The following HEPH variants were observed in gnomAD, a reference collection of about 807,000 sequenced individuals.
HEPH encodes hephaestin.
Under a neutral mutation model 80.8 loss-of-function variants are expected in HEPH, and 69 were observed. The ratio of observed to expected loss-of-function variants is 0.85; its 90% CI spans 0.70 to 1.04. The LOEUF (loss-of-function observed/expected upper bound fraction) is 1.04. Ranked by LOEUF, HEPH falls within the 50% of genes least tolerant of loss-of-function variation. The pLI, the probability that HEPH is intolerant of heterozygous loss-of-function variation, is 0.00. For synonymous variants in HEPH, 431 were observed against 322.8 expected (o/e 1.34, Z -3.60); for missense variants, 1,115 against 891.3 (o/e 1.25, Z -3.20).
At chrX:66,235,818 T>C (rs1363619939) in intron 15 of HEPH, among the ~76,000 whole-genome samples, 1 of 112,098 alleles carries the variant, frequency 8.9e-6, no homozygotes, top group Non-Finnish European at 1.9e-5. Flanking sequence ...ATTGATTCTG[T>C]CTATTCATGA....
Position 66,192,259 on chromosome X carries a change from A to G in HEPH, c.1193A>G (p.His398Arg). 8.3e-7 allele frequency: 1 copy of G among 1,211,268 alleles called. No individual in the cohort carries two copies. Residue 398 changes from histidine to arginine, a missense_variant, in exon 7 of 21, where the codon CAT (histidine) becomes CGT (arginine). By Grantham distance (29) the His-to-Arg change is conservative. Around this residue, in one of 3 missense-constraint regions of HEPH, gnomAD observed 391 missense variants for 343.6 expected, o/e 1.14. Coordinates refer to ENST00000343002, the MANE Select transcript of HEPH (RefSeq NM_001367233.3). ...EIQWDYGPMG[H>R]DGSTGKNLRE... ...CAATGGGACTATGGCCCGATGGGGC[A>G]TGATGGGAGTACTGGGAAGAATTTG...
At chrX:66,242,086 A>C (rs2090614613) in intron 15 of HEPH, among the ~76,000 whole-genome samples, 1 of 110,085 alleles carries the variant, frequency 9.1e-6, no homozygotes, top group Admixed American at 9.7e-5. Flanking sequence ...AAAAAAAAAA[A>C]CTGAAGGCAT....
At chrX:66,238,392 A>T (rs1602476161) in intron 15 of HEPH, among the ~76,000 whole-genome samples, 1 of 111,394 alleles carries the variant, frequency 9.0e-6, no homozygotes, top group African/African-American at 3.3e-5. Context: ...TTGGCCAGAT[A>T]TGGAATTCTG....
At chrX:66,241,198 G>A (rs747001376) in intron 15 of HEPH, among the ~76,000 whole-genome samples, 4 of 111,898 alleles carry the variant, frequency 3.6e-5, no homozygotes, top group African/African-American at 1.3e-4. Flanking sequence ...GCAACTATAG[G>A]ATCATGCCTA....
chrX:66,214,668 C>T (rs1257081438), intron 15 of HEPH, among the ~76,000 whole-genome samples: 2 of 111,248 alleles, frequency 1.8e-5, no homozygotes, highest in Non-Finnish European at 3.8e-5. Context: ...CCAGAGTTTG[C>T]ATTTTTATAT....
At chrX:66,266,095 C>A (rs2091526061) in intron 20 of HEPH, among the ~76,000 whole-genome samples, 1 of 110,047 alleles carries the variant, frequency 9.1e-6, no homozygotes, top group Non-Finnish European at 1.9e-5. Context: ...CCAATTCTAC[C>A]CTCTGAAGCC....
chrX:66,267,669 C>T (rs1181088335), downstream of HEPH: 5 of 111,475 alleles, frequency 4.5e-5, no homozygotes, highest in Non-Finnish European at 9.4e-5. Context: ...TCAAACCTGT[C>T]CAGTGGGCCA....
intron 15 of HEPH, among the ~76,000 whole-genome samples, chrX:66,247,013 C>T (rs1320019080): frequency 9.0e-6 from 1 of 111,609 alleles, no homozygotes; most frequent in African/African-American, 3.3e-5. Context: ...TATTTCTAAC[C>T]TCCATGGTCT....
chrX:66,165,550 C>T (rs181191069), intron 1 of HEPH, among the ~76,000 whole-genome samples: 3 of 110,780 alleles, frequency 2.7e-5, no homozygotes, highest in African/African-American at 9.8e-5. Flanking sequence ...AGAGCATTGT[C>T]GCAATAAAGG....
At chrX:66,173,409 G>T (rs2086671842) in intron 3 of HEPH, among the ~76,000 whole-genome samples, 180 bp from the exon 4 acceptor site, 1 of 111,821 alleles carries the variant, frequency 8.9e-6, no homozygotes, top group African/African-American at 3.3e-5. Flanking sequence ...GATTTTTTAG[G>T]TTAAATGTTA....
In HEPH at chrX:66,243,477, G is replaced by T. The variant is rs184710743; in HGVS notation, c.2564-11558G>T. On this transcript the variant is annotated intron_variant, in intron 15 of 20. Coordinates refer to ENST00000343002, the MANE Select transcript of HEPH (RefSeq NM_001367233.3). Reference sequence around the variant, plus strand: ...TTTAAAGTCTGTTTTGTCTGAAATTGGAATAGCAACTCCTGCTTTCTTCAG... The same window carrying T: ...TTTAAAGTCTGTTTTGTCTGAAATTTGAATAGCAACTCCTGCTTTCTTCAG... Among the ~76,000 whole-genome samples the T allele has an allele frequency of 2.7e-5, 3 of 112,381 alleles. No homozygotes were observed. In the East Asian group the frequency reaches 8.4e-4, roughly 32 times the overall value.
intron 20 of HEPH, among the ~76,000 whole-genome samples, chrX:66,264,901 G>A (rs902635834): frequency 9.5e-6 from 1 of 105,572 alleles, no homozygotes; most frequent in African/African-American, 3.4e-5. Context: ...TACTTTGTGT[G>A]TATATTTGTA....
At chrX:66,190,190 G>A (rs1035739853) in intron 6 of HEPH, among the ~76,000 whole-genome samples, 2 of 109,453 alleles carry the variant, frequency 1.8e-5, no homozygotes, top group African/African-American at 6.7e-5. Flanking sequence ...ACAGCCTGGG[G>A]ATGGATAAGT....
In HEPH at chrX:66,266,796, A is replaced by G. The variant is rs2091554703; in HGVS notation, c.*124A>G. 2.2e-6 allele frequency: 1 copy of G among 449,589 alleles called. No individual in the cohort carries two copies. 37.1% of individuals were successfully genotyped at this position (449,589 alleles called of 1,213,427 possible). On this transcript the variant is annotated 3_prime_UTR_variant, in exon 21 of 21. Coordinates refer to ENST00000343002, the MANE Select transcript of HEPH (RefSeq NM_001367233.3). The stretch of plus-strand genomic sequence containing the variant: ...GGTGGAGAAGCAGAAGGAGCAATCA[A>G]GCTTATCTGGATATTTCTTTCTTTA...
chrX:66,208,504 A>C (rs1226243869), intron 15 of HEPH, among the ~76,000 whole-genome samples: 3 of 105,071 alleles, frequency 2.9e-5, no homozygotes, highest in Non-Finnish European at 5.9e-5. Context: ...CTGTAGTCTC[A>C]GCTACTCGGG....
chrX:66,213,666 AG>A (rs748507776), intron 15 of HEPH, among the ~76,000 whole-genome samples: 3 of 111,935 alleles, frequency 2.7e-5, no homozygotes, highest in Non-Finnish European at 5.6e-5. Flanking sequence ...TACCTGGGCA[AG>A]AAGAGCCAAA....
At chrX:66,211,122 T>C (rs1448350082) in intron 15 of HEPH, among the ~76,000 whole-genome samples, 1 of 111,306 alleles carries the variant, frequency 9.0e-6, no homozygotes, top group African/African-American at 3.3e-5. Context: ...ATGATATGCA[T>C]GTAATCACCC....
At position 66,266,640 on chromosome X, in the gene HEPH, G is replaced by A; in HGVS notation, c.3445G>A (p.Asp1149Asn). 1 of 1,207,372 alleles carries A rather than the reference G, an allele frequency of 8.3e-7. No homozygotes were observed. The highest frequency in any genetic ancestry group is 1.1e-6 in the Non-Finnish European group (1 of 892,357). ...ACGCAATAGGAGGTCCATCCTGGAT[G>A]ACAGCTTCAAGCTTCTGTCTTTCAA... The part of the protein sequence containing the change: ...LRRNRRSILD[D>N]SFKLLSFKQ Residue 1149 changes from aspartate to asparagine, a missense_variant, in exon 21 of 21, where the codon GAC becomes AAC. Asp to Asn is a conservative substitution (Grantham distance 23, BLOSUM62 1). Around this residue, in one of 3 missense-constraint regions of HEPH, gnomAD observed 716 missense variants for 523.5 expected, o/e 1.37. Transcript: ENST00000343002.
intron 12 of HEPH, among the ~76,000 whole-genome samples, chrX:66,202,248 G>C (rs1229446263): frequency 1.8e-5 from 2 of 111,511 alleles, no homozygotes; most frequent in African/African-American, 6.5e-5. Context: ...TGAATGAGAT[G>C]TGTGAGAGAA....
Sources: allele counts gnomAD v4.1 joint callset (sites outside exome capture counted in the v4.1 genomes callset), GRCh38; gene constraint gnomAD v4.1.1; regional missense constraint gnomAD v4.1.1; transcripts MANE v1.5; gene names NCBI Gene and HGNC (gene_info 2026-07-23, HGNC 2026-07-21).